Variants in RBM44 observed in about 807,000 individuals in gnomAD.
RBM44 encodes the protein RNA binding motif protein 44, also known as RNA-binding protein 44.
A neutral mutation model predicts 105.1 loss-of-function variants in RBM44; 66 were observed. That is an observed-to-expected ratio of 0.63 (90% CI 0.52 to 0.77). The LOEUF (loss-of-function observed/expected upper bound fraction) is 0.77, where lower values mean the gene tolerates loss of function less well. Among genes scored for constraint, RBM44 ranks in the 30% least tolerant of loss-of-function variants. The pLI, the probability that RBM44 is intolerant of heterozygous loss-of-function variation, is 0.00. For synonymous variants in RBM44, 365 were observed against 417.6 expected, an observed-to-expected ratio of 0.87 and a Z score of 1.54; for missense variants, 1,122 against 1,207.8, an observed-to-expected ratio of 0.93 and a Z score of 1.05.
At chr2:237,801,251 C>T (rs932402915) in intron 1 of RBM44, among the ~76,000 whole-genome samples, 22 of 152,224 alleles carry the variant, frequency 1.4e-4, no homozygotes, top group Admixed American at 3.9e-4. Context: ...AACCCAGGGA[C>T]GTTGAGACTG....
At chr2:237,802,729 CAT>C (rs2061558347) in intron 1 of RBM44, among the ~76,000 whole-genome samples, 1 of 152,154 alleles carries the variant, frequency 6.6e-6, no homozygotes, top group African/African-American at 2.4e-5. Flanking sequence ...CAACACTTAA[CAT>C]ATAACTTAGA....
rs2061859262 is a variant in RBM44, at chr2:237,827,435, C to T, written c.2532C>T (p.Ala844=). The T allele has an allele frequency of 2.6e-6, 4 of 1,519,840 alleles. No homozygotes were observed. The highest frequency in any genetic ancestry group is 1.2e-5 in the South Asian group (1 of 82,436). 94.1% of individuals were successfully genotyped at this position (1,519,840 alleles called of 1,614,324 possible). ...VGGLCPSVSE[A]DLRSHFQKYQ... ...AACTTTTATTTCTCTTCTTTTAGGC[C>T]GATTTAAGGTCTCATTTCCAAAAAT... Residue 844 remains alanine, a splice_region_variant and synonymous_variant, in exon 12 of 16, where the codon GCC becomes GCT. Coordinates refer to ENST00000316997, the MANE Select transcript of RBM44 (RefSeq NM_001080504.3).
rs1337156373 is a variant in RBM44 at position 237,817,062 on chromosome 2, C to G, written c.143C>G (p.Thr48Ser). ...SSNGCDEVKL[T>S]FPDDDWNSST... ...AATGGTTGTGATGAAGTCAAATTGA[C>G]TTTTCCTGATGATGACTGGAATTCT... The change falls in exon 3 of 16, where the codon ACT (threonine) becomes AGT (serine). Residue 48 changes from threonine to serine, a missense_variant. Transcript: ENST00000316997. 6.3e-7 allele frequency: 1 copy of G among 1,597,428 alleles called. No individual in the cohort carries two copies. Among genetic ancestry groups the G allele is most frequent in the Non-Finnish European group, 8.5e-7 (1 of 1,173,410 alleles).
At chr2:237,833,595 A>C (rs1003662091) in intron 13 of RBM44, among the ~76,000 whole-genome samples, 2 of 152,182 alleles carry the variant, frequency 1.3e-5, no homozygotes, top group African/African-American at 4.8e-5. Context: ...TTAAGCCTTA[A>C]TGCCCTAAGC....
At chr2:237,814,563 T>A (rs991803536) in intron 2 of RBM44, among the ~76,000 whole-genome samples, 19 of 152,058 alleles carry the variant, frequency 1.2e-4, no homozygotes, top group Non-Finnish European at 2.4e-4. Context: ...GTAAAATAAA[T>A]TTTAAAATAC....
At chr2:237,825,527 G>C (rs2061839369) in intron 10 of RBM44, among the ~76,000 whole-genome samples, 1 of 152,082 alleles carries the variant, frequency 6.6e-6, no homozygotes. Context: ...AGTTTATTCT[G>C]TTTTTTCTTC....
intron 13 of RBM44, 150 bp from the exon 14 acceptor site, chr2:237,833,847 T>C (rs2061927746): frequency 7.7e-6 from 3 of 389,532 alleles, no homozygotes; most frequent in Non-Finnish European, 1.3e-5. Flanking sequence ...TAAATGCAAT[T>C]GGTATAAACA....
rs764885374 is a variant in RBM44 at position 237,841,458 on chromosome 2, A to T, written c.*23-381A>T. On this transcript the variant is annotated intron_variant, in intron 15 of 15. Coordinates refer to ENST00000316997, the MANE Select transcript of RBM44 (RefSeq NM_001080504.3). This position sits in a 1 kb window ranked among gnomAD's most constrained non-coding sequence, Gnocchi z 4.5. ...GAGGGTGAGGATCAAAACACTACCT[A>T]TCTGGTACCACGCTTATTACCTGGA... Among the ~76,000 whole-genome samples the T allele has an allele frequency of 6.6e-6, 1 of 152,214 alleles. No homozygotes were observed. Among genetic ancestry groups the T allele is most frequent in the Non-Finnish European group, 1.5e-5 (1 of 68,024 alleles).
rs1208145018 is a variant in RBM44 at position 237,817,903 on chromosome 2, T to C, written c.984T>C (p.Thr328=). 4 of 1,596,280 alleles carry C rather than the reference T, an allele frequency of 2.5e-6. No individual in the cohort carries two copies. In the South Asian group the frequency reaches 4.5e-5, roughly 18 times the overall value. ...PQKVLKMKIY[T]ENMKSQINEG... is the part of the protein sequence containing the mutation. Reference sequence around the variant, plus strand: ...AAGTATTAAAAATGAAAATTTATACTGAAAACATGAAATCTCAAATAAATG... The same window carrying C: ...AAGTATTAAAAATGAAAATTTATACCGAAAACATGAAATCTCAAATAAATG... Residue 328 remains threonine (T), a synonymous_variant, in exon 3 of 16, where the codon ACT becomes ACC. Coordinates refer to ENST00000316997, the MANE Select transcript of RBM44 (RefSeq NM_001080504.3).
At chr2:237,839,149 C>T (rs1487601879) in intron 15 of RBM44, among the ~76,000 whole-genome samples, 4 of 152,208 alleles carry the variant, frequency 2.6e-5, no homozygotes, top group African/African-American at 9.6e-5. Context: ...AGTCTTAGGC[C>T]TGCTACTTTA....
intron 4 of RBM44, among the ~76,000 whole-genome samples, chr2:237,819,900 A>C (rs1229814059): frequency 6.6e-6 from 1 of 151,970 alleles, no homozygotes; most frequent in Non-Finnish European, 1.5e-5. Flanking sequence ...AATTCTCCAG[A>C]ATAAACAATT....
intron 1 of RBM44, among the ~76,000 whole-genome samples, chr2:237,808,915 C>T (rs2061626874): frequency 2.0e-5 from 3 of 152,106 alleles, no homozygotes; most frequent in Admixed American, 1.3e-4. Context: ...CATAATTGTG[C>T]ATATCATCAA....
At chr2:237,816,765 T>C (rs549283210) in intron 2 of RBM44, among the ~76,000 whole-genome samples, 34 of 152,268 alleles carry the variant, frequency 2.2e-4, no homozygotes, top group Middle Eastern at 3.4e-3. Context: ...CATGTAAACC[T>C]AATTACCTCT....
chr2:237,834,423 GGTAAA>G lies in RBM44; in HGVS notation c.*22+5_*22+9del. The G allele has an allele frequency of 1.4e-6, 2 of 1,427,942 alleles. No individual in the cohort carries two copies. The highest frequency in any genetic ancestry group is 2.7e-5 in the East Asian group (1 of 37,650). The allele number at this position is 1,427,942 out of a possible 1,614,324, so 88.5% of individuals were successfully genotyped here. On this transcript the variant is annotated splice_donor_variant and splice_donor_5th_base_variant and intron_variant, in intron 15 of 15. Coordinates refer to ENST00000316997, the MANE Select transcript of RBM44 (RefSeq NM_001080504.3). LOFTEE classifies it low-confidence loss of function (3UTR_SPLICE). Reference sequence around the variant, plus strand: ...TTAGGAATTCAAAAAACAATAAAGAGGTAAAGTAATCATATTCTTTTGTATTTGAA... The same window carrying G: ...TTAGGAATTCAAAAAACAATAAAGAGGTAATCATATTCTTTTGTATTTGAA...
intron 1 of RBM44, among the ~76,000 whole-genome samples, chr2:237,802,827 G>T (rs1348422919): frequency 6.6e-6 from 1 of 152,192 alleles, no homozygotes; most frequent in African/African-American, 2.4e-5. Context: ...AAATGTAATT[G>T]CTTGGTAATA....
chr2:237,825,688 G>A (rs1256052334), intron 10 of RBM44, among the ~76,000 whole-genome samples: 4 of 152,166 alleles, frequency 2.6e-5, no homozygotes, highest in Admixed American at 6.6e-5. Context: ...GCCAGGTACG[G>A]CATGCAGCCC....
intron 13 of RBM44, among the ~76,000 whole-genome samples, chr2:237,831,365 C>G: frequency 6.6e-6 from 1 of 151,736 alleles, no homozygotes; most frequent in Admixed American, 6.6e-5. Flanking sequence ...ACTGCAACTT[C>G]TGCCTCCTGG....
At chr2:237,830,363 T>C (rs754283447) in intron 13 of RBM44, among the ~76,000 whole-genome samples, 1 of 152,182 alleles carries the variant, frequency 6.6e-6, no homozygotes, top group Non-Finnish European at 1.5e-5. Context: ...CTTTACCAGA[T>C]AGGTGATTTG....
chr2:237,821,696 C>G (rs377691638), intron 7 of RBM44, 47 bp from the exon 8 acceptor site: 8 of 1,324,604 alleles, frequency 6.0e-6, no homozygotes, highest in Non-Finnish European at 7.6e-6. Context: ...TCACCTTACT[C>G]TGTTATCAAA....
Sources: allele counts gnomAD v4.1 joint callset (sites outside exome capture counted in the v4.1 genomes callset), GRCh38; gene constraint gnomAD v4.1.1; non-coding constraint Gnocchi (gnomAD v3.1); transcripts MANE v1.5; gene names NCBI Gene and HGNC (gene_info 2026-07-23, HGNC 2026-07-21).